TM4SF4: variants seen among roughly 807,000 people sequenced by gnomAD.
TM4SF4 encodes the protein transmembrane 4 L six family member 4.
A neutral mutation model predicts 24.1 loss-of-function variants in TM4SF4; 24 were observed. That is an observed-to-expected ratio of 1.00 (90% CI 0.72 to 1.40). The LOEUF is 1.40. Among genes scored for constraint, TM4SF4 ranks in the 40% most tolerant of loss-of-function variants. TM4SF4 has a pLI of 0.00. For missense variants in TM4SF4, 254 were observed against 254.2 expected (o/e 1.00, Z 0.01); for synonymous variants, 113 against 97.0 (o/e 1.17, Z -0.97).
At chr3:149,495,058 G>T (rs780769496) in intron 3 of TM4SF4, 1 of 255,358 alleles carries the variant, frequency 3.9e-6, no homozygotes, top group South Asian at 5.8e-5. Context: ...TGCCCTTCGT[G>T]CTTACACACT....
At chr3:149,484,946 TAATA>T (rs1374898153) in intron 2 of TM4SF4, among the ~76,000 whole-genome samples, 2 of 152,212 alleles carry the variant, frequency 1.3e-5, no homozygotes, top group African/African-American at 4.8e-5. Context: ...TTATAATAAT[TAATA>T]AATATGTGTT....
In TM4SF4 at chr3:149,499,006, G is replaced by T; in HGVS notation, c.591+95G>T. 5 of 1,321,036 alleles carry T rather than the reference G, an allele frequency of 3.8e-6. No homozygotes were observed. The South Asian group carries it at 6.8e-5, about 18-fold the overall frequency. The allele number at this position is 1,321,036 out of a possible 1,614,324, so 81.8% of individuals were successfully genotyped here. On this transcript the variant is annotated intron_variant, in intron 4 of 4. Transcript: ENST00000305354. ...GCCAGGTCAGGCCACCAGCACTGAA[G>T]GAATGAGGGGGTAAGTGTGGCCACC...
chr3:149,498,742 C>T lies in TM4SF4; in HGVS notation c.422C>T (p.Ala141Val). 3.1e-6 allele frequency: 5 copies of T among 1,613,912 alleles called. No homozygotes were observed. Among genetic ancestry groups the T allele is most frequent in the Non-Finnish European group, 4.2e-6 (5 of 1,179,852 alleles). The stretch of plus-strand genomic sequence containing the variant: ...AACAGGGATTATCTCAATGATGAGG[C>T]CTTATGGAACAAGTGCCGAGAGCCT... Reference protein sequence around the residue: ...FHDGDYLNDEALWNKCREPLN... With the variant: ...FHDGDYLNDEVLWNKCREPLN... The change falls in exon 4 of 5, where the codon GCC becomes GTC. Residue 141 changes from alanine to valine, a missense_variant. By Grantham distance (64) the Ala-to-Val change is moderately conservative. Coordinates refer to ENST00000305354, the MANE Select transcript of TM4SF4 (RefSeq NM_004617.4).
chr3:149,500,477 T>C (rs1734397359), intron 4 of TM4SF4, among the ~76,000 whole-genome samples: 1 of 152,172 alleles, frequency 6.6e-6, no homozygotes, highest in South Asian at 2.1e-4. Context: ...CTACAAATTT[T>C]CAGTTCTACT....
intron 4 of TM4SF4, among the ~76,000 whole-genome samples, chr3:149,501,130 A>G (rs2107878274): frequency 6.6e-6 from 1 of 152,322 alleles, no homozygotes; most frequent in Non-Finnish European, 1.5e-5. Flanking sequence ...CAATTTAAAA[A>G]CACATTCATA....
chr3:149,486,302 C>T (rs1168495642), intron 2 of TM4SF4, among the ~76,000 whole-genome samples: 1 of 152,142 alleles, frequency 6.6e-6, no homozygotes, highest in Non-Finnish European at 1.5e-5. Flanking sequence ...GATGATAAAA[C>T]TAAGGCTCTG....
chr3:149,487,228 C>T (rs1734132051), intron 2 of TM4SF4, among the ~76,000 whole-genome samples: 1 of 152,160 alleles, frequency 6.6e-6, no homozygotes, highest in Non-Finnish European at 1.5e-5. Flanking sequence ...GCACTCCAGA[C>T]TGAGCGACAA....
intron 2 of TM4SF4, among the ~76,000 whole-genome samples, chr3:149,485,437 G>GA (rs1560030516): frequency 6.6e-6 from 1 of 152,150 alleles, no homozygotes; most frequent in Non-Finnish European, 1.5e-5. Context: ...ACAATAAGGG[G>GA]AAAAATCTAA....
intron 3 of TM4SF4, among the ~76,000 whole-genome samples, chr3:149,490,709 G>T (rs1378737485): frequency 6.6e-6 from 1 of 152,174 alleles, no homozygotes; most frequent in Non-Finnish European, 1.5e-5. Flanking sequence ...GTTAAAAAGG[G>T]TGTGTGGACT....
chr3:149,487,076 A>T (rs925897177), intron 2 of TM4SF4, among the ~76,000 whole-genome samples: 1 of 152,330 alleles, frequency 6.6e-6, no homozygotes, highest in Non-Finnish European at 1.5e-5. Flanking sequence ...CAACATGGTG[A>T]AACCCTGTCT....
chr3:149,475,098 C>G, intron 1 of TM4SF4, 47 bp downstream of exon 1: 2 of 1,557,988 alleles, frequency 1.3e-6, no homozygotes, highest in African/African-American at 2.7e-5. Context: ...TTTCCCTTCC[C>G]CACAATCCTT....
chr3:149,488,965 C>T (rs1734165713), intron 3 of TM4SF4, among the ~76,000 whole-genome samples: 1 of 152,166 alleles, frequency 6.6e-6, no homozygotes, highest in South Asian at 2.1e-4. Context: ...AGGCTTCAGG[C>T]TGGGGAAGTG....
rs139938734 is a variant in TM4SF4, at chr3:149,499,119, G to C, written c.591+208G>C. 2.2e-3 allele frequency among the ~76,000 whole-genome samples: 336 copies of C among 152,282 alleles called. 3 individuals are homozygous for C. The highest frequency in any genetic ancestry group is 7.2e-3 in the African/African-American group (301 of 41,566). Reference sequence around the variant, plus strand: ...ACACATTGCATTACTGGAACCCAGAGCATGTTAAAACACCCAGGCTGAAGT... The same window carrying C: ...ACACATTGCATTACTGGAACCCAGACCATGTTAAAACACCCAGGCTGAAGT... On this transcript the variant is annotated intron_variant, in intron 4 of 4. Transcript: ENST00000305354.
Position 149,474,948 on chromosome 3 carries a change from C to A in TM4SF4, c.71C>A (p.Ala24Asp), listed in dbSNP as rs773172246. The A allele has an allele frequency of 4.6e-5, 74 of 1,613,814 alleles. No individual in the cohort carries two copies. Among genetic ancestry groups the A allele is most frequent in the Non-Finnish European group, 6.1e-5 (72 of 1,179,898 alleles). The change falls in exon 1 of 5, where the codon GCT becomes GAT. Residue 24 changes from alanine (A) to aspartate (D), a missense_variant. Transcript: ENST00000305354. ...CCCCTTGCTTTTTTTGGCTTCCTGG[C>A]TAACATCCTGTTATTTTTTCCTGGA... ...LIPLAFFGFL[A>D]NILLFFPGGK...
intron 3 of TM4SF4, 146 bp from the exon 4 acceptor site, chr3:149,498,576 T>C: frequency 1.4e-6 from 1 of 691,432 alleles, no homozygotes; most frequent in South Asian, 1.8e-5. Context: ...TTTTGTGGTA[T>C]TTAAATTGTT....
At position 149,482,404 on chromosome 3, in the gene TM4SF4, A is replaced by G. The variant is rs112181301; in HGVS notation, c.265-5215A>G. ...CCCTTATCTGATTCCAAAGTCTGCC[A>G]ACTTCCCTCCTCAGAGGTCCCCACT... On this transcript the variant is annotated intron_variant, in intron 2 of 4. Coordinates refer to ENST00000305354, the MANE Select transcript of TM4SF4 (RefSeq NM_004617.4). Among the ~76,000 whole-genome samples the G allele has an allele frequency of 5.9e-3, 902 of 152,308 alleles. 7 individuals carry two copies. Among genetic ancestry groups the G allele is most frequent in the African/African-American group, 0.02 (850 of 41,554 alleles).
intron 2 of TM4SF4, 63 bp downstream of exon 2, chr3:149,475,975 G>A: frequency 7.1e-7 from 1 of 1,413,098 alleles, no homozygotes; most frequent in Non-Finnish European, 9.8e-7. Context: ...TTTGTGCTGG[G>A]CAGCATGGGG....
intron 2 of TM4SF4, among the ~76,000 whole-genome samples, chr3:149,485,673 A>T (rs1349178383): frequency 6.6e-6 from 1 of 152,214 alleles, no homozygotes; most frequent in Admixed American, 6.5e-5. Context: ...GCATGCCTGT[A>T]GTCCTAGCTC....
intron 2 of TM4SF4, among the ~76,000 whole-genome samples, chr3:149,480,323 A>G (rs771681562): frequency 2.0e-5 from 3 of 152,162 alleles, no homozygotes; most frequent in Non-Finnish European, 4.4e-5. Flanking sequence ...TATGTTAAGT[A>G]CGTATTTTAT....
Sources: gnomAD v4.1 joint callset for allele counts (sites outside exome capture counted in the v4.1 genomes callset) on GRCh38, gnomAD v4.1.1 for gene constraint, MANE v1.5 for transcripts, NCBI Gene and HGNC (gene_info 2026-07-23, HGNC 2026-07-21) for gene names.